The following ARHGAP19 variants were observed in gnomAD, a reference collection of about 807,000 sequenced individuals.
ARHGAP19 encodes the protein Rho GTPase activating protein 19.
Under a neutral mutation model 60.9 loss-of-function variants are expected in ARHGAP19, and 48 were observed. That is an observed-to-expected ratio of 0.79 (90% CI 0.62 to 1.00). ARHGAP19 has a LOEUF of 1.00. Ranked by LOEUF, ARHGAP19 falls within the 50% of genes least tolerant of loss-of-function variation. The pLI, the probability that ARHGAP19 is intolerant of heterozygous loss-of-function variation, is 0.00. For missense variants in ARHGAP19, 562 were observed against 597.2 expected, an observed-to-expected ratio of 0.94 and a Z score of 0.61; for synonymous variants, 209 against 215.5, an observed-to-expected ratio of 0.97 and a Z score of 0.27.
At chr10:97,287,779 T>C (rs1256504570) in intron 1 of ARHGAP19, among the ~76,000 whole-genome samples, 1 of 152,140 alleles carries the variant, frequency 6.6e-6, no homozygotes, top group East Asian at 1.9e-4. Context: ...AATAAATATT[T>C]TGGCTGGGTG....
intron 1 of ARHGAP19, among the ~76,000 whole-genome samples, chr10:97,279,476 T>C (rs751374833): frequency 5.5e-5 from 6 of 109,000 alleles, no homozygotes; most frequent in Non-Finnish European, 7.8e-5. Context: ...TTGCTTGCTT[T>C]TGTGTGTGTG....
intron 6 of ARHGAP19, 146 bp downstream of exon 6, chr10:97,256,172 C>T (rs938506200): frequency 1.4e-6 from 1 of 710,030 alleles, no homozygotes; most frequent in African/African-American, 1.8e-5. Context: ...TGGTTGTTAC[C>T]CCCTGGGTTT....
chr10:97,257,779 AT>A (rs1481712801), intron 5 of ARHGAP19, among the ~76,000 whole-genome samples: 2 of 149,476 alleles, frequency 1.3e-5, no homozygotes, highest in African/African-American at 4.9e-5. Flanking sequence ...TTCACTAGTT[AT>A]TTTTTAAGTA....
intron 3 of ARHGAP19, 25 bp from the exon 4 acceptor site, chr10:97,263,654 G>A (rs1231186823): frequency 6.2e-7 from 1 of 1,601,272 alleles, no homozygotes; most frequent in Non-Finnish European, 8.6e-7. Flanking sequence ...ACAAAGCAGA[G>A]GACAGGCAAA....
At chr10:97,266,226 G>T in intron 1 of ARHGAP19, 101 bp from the exon 2 acceptor site, 1 of 1,398,224 alleles carries the variant, frequency 7.2e-7, no homozygotes, top group Non-Finnish European at 9.8e-7. Context: ...AAAGGCAGAG[G>T]TTTCCTTATA....
chr10:97,263,377 G>C (rs768441510), intron 4 of ARHGAP19, 43 bp downstream of exon 4: 2 of 1,576,708 alleles, frequency 1.3e-6, no homozygotes, highest in African/African-American at 1.3e-5. Flanking sequence ...TTACTAAATT[G>C]AAAGAAATGT....
chr10:97,251,122 A>ACGGGG, intron 6 of ARHGAP19, among the ~76,000 whole-genome samples: 1 of 126,606 alleles, frequency 7.9e-6, no homozygotes, highest in South Asian at 2.9e-4. Context: ...AGGGGAAGAG[A>ACGGGG]AAGGGGAAGG....
chr10:97,285,711 G>A (rs985912450), intron 1 of ARHGAP19, among the ~76,000 whole-genome samples: 2 of 151,894 alleles, frequency 1.3e-5, no homozygotes, highest in Admixed American at 6.6e-5. Flanking sequence ...GTAGAGACAG[G>A]GTTTCACCAT....
rs998704525 is a variant in ARHGAP19 at position 97,223,729 on chromosome 10, G to C, written c.*2393C>G. 7.2e-5 allele frequency: 11 copies of C among 152,246 alleles called. No individual in the cohort carries two copies. The highest frequency in any genetic ancestry group is 2.4e-4 in the African/African-American group (10 of 41,548). The allele number at this position is 152,246 out of a possible 1,614,324, so 9.4% of individuals were successfully genotyped here. A position where few individuals can be genotyped will look rare whatever the true frequency, so the allele number is the denominator to read the frequency against. ...CAATACCTGCCCACCAAATCAGAAGGGAGACAGCAGCCTTCTGTGGCAAAT... is the reference window on the plus strand; with the variant it reads ...CAATACCTGCCCACCAAATCAGAAGCGAGACAGCAGCCTTCTGTGGCAAAT... On this transcript the variant is annotated 3_prime_UTR_variant, in exon 12 of 12. Coordinates refer to ENST00000358531, the MANE Select transcript of ARHGAP19 (RefSeq NM_032900.6).
intron 7 of ARHGAP19, 117 bp from the exon 8 acceptor site, chr10:97,244,276 C>A: frequency 1.4e-6 from 1 of 706,716 alleles, no homozygotes. Flanking sequence ...CTCCTATACT[C>A]AGGAACAAGA....
chr10:97,274,192 G>A (rs375326836), intron 1 of ARHGAP19, among the ~76,000 whole-genome samples: 46 of 152,236 alleles, frequency 3.0e-4, no homozygotes, highest in Middle Eastern at 6.8e-3. Flanking sequence ...GAGGCCGGGC[G>A]CGGTGGCTCA....
chr10:97,259,660 G>C, intron 4 of ARHGAP19, 32 bp from the exon 5 acceptor site: 11 of 1,550,540 alleles, frequency 7.1e-6, no homozygotes, highest in Non-Finnish European at 9.8e-6. Context: ...GCAAAGTGGG[G>C]AGAAAATATC....
chr10:97,281,331 G>A (rs902085436), intron 1 of ARHGAP19, among the ~76,000 whole-genome samples: 1 of 152,130 alleles, frequency 6.6e-6, no homozygotes, highest in African/African-American at 2.4e-5. Context: ...AGCCCAGGAG[G>A]TCAAGGCTGC....
chr10:97,265,643 G>A, intron 2 of ARHGAP19: 4 of 545,214 alleles, frequency 7.3e-6, no homozygotes, highest in Non-Finnish European at 9.5e-6. Context: ...TTCTCTCAGG[G>A]ACTGAAAATA....
chr10:97,267,982 G>T (rs539398179), intron 1 of ARHGAP19, among the ~76,000 whole-genome samples: 1 of 152,194 alleles, frequency 6.6e-6, no homozygotes, highest in Non-Finnish European at 1.5e-5. Context: ...CCTTATCTAC[G>T]CAAATTTCTG....
chr10:97,257,178 C>G lies in ARHGAP19; in HGVS notation c.841-774G>C, dbSNP rs529794539. On this transcript the variant is annotated intron_variant, in intron 5 of 11. Transcript: ENST00000358531. ...CAGCAAAATTGTCATTGATTCCCTTCCCTTGTTTCTCCTGTCTTTTTTAAG... is the reference window on the plus strand; with the variant it reads ...CAGCAAAATTGTCATTGATTCCCTTGCCTTGTTTCTCCTGTCTTTTTTAAG... Among the ~76,000 whole-genome samples, 98 of 152,138 alleles carry G rather than the reference C, an allele frequency of 6.4e-4. 1 individual carries two copies. The highest frequency in any genetic ancestry group is 2.1e-3 in the Admixed American group (32 of 15,272).
chr10:97,290,256 C>T (rs955387570), intron 1 of ARHGAP19, among the ~76,000 whole-genome samples: 7 of 152,034 alleles, frequency 4.6e-5, no homozygotes, highest in Admixed American at 1.3e-4. Flanking sequence ...CGCAGACCCG[C>T]CGCTGACTCC....
intron 8 of ARHGAP19, among the ~76,000 whole-genome samples, chr10:97,238,026 A>G (rs558359907): frequency 1.9e-4 from 29 of 152,192 alleles, no homozygotes; most frequent in Non-Finnish European, 3.1e-4. Flanking sequence ...AAACAGCCTC[A>G]GGCAAGTCTT....
At position 97,264,452 on chromosome 10, in the gene ARHGAP19, C is replaced by CA. The variant is rs11327785; in HGVS notation, c.403+373dup. Among the ~76,000 whole-genome samples the CA allele has an allele frequency of 1.8e-3, 243 of 138,362 alleles. 2 individuals carry two copies. The highest frequency in any genetic ancestry group is 5.8e-3 in the African/African-American group (218 of 37,468). 90.8% of individuals were successfully genotyped at this position (138,362 alleles called of 152,430 possible). ...TGGGTGAGAGAACGAGACCTTGTCT[C>CA]AAAAAAAAAAAAAAAGTAAAGAGTG... On this transcript the variant is annotated intron_variant, in intron 3 of 11. Transcript: ENST00000358531.
Sources: gnomAD v4.1 joint callset for allele counts (sites outside exome capture counted in the v4.1 genomes callset) on GRCh38, gnomAD v4.1.1 for gene constraint, MANE v1.5 for transcripts, NCBI Gene and HGNC (gene_info 2026-07-23, HGNC 2026-07-21) for gene names.